Variants in CYP7B1 observed in about 807,000 individuals in gnomAD.
CYP7B1 encodes the protein cytochrome P450 7B1.
Under a neutral mutation model 42.7 loss-of-function variants are expected in CYP7B1, and 29 were observed. That is an observed-to-expected ratio of 0.68 (90% confidence interval 0.51 to 0.93). The LOEUF (loss-of-function observed/expected upper bound fraction) is 0.93, where lower values mean the gene tolerates loss of function less well. Among genes scored for constraint, CYP7B1 ranks in the 40% least tolerant of loss-of-function variants. The pLI is 0.00. For synonymous variants in CYP7B1, 235 were observed against 218.2 expected, an observed-to-expected ratio of 1.08 and a Z score of -0.68; for missense variants, 655 against 600.5, an observed-to-expected ratio of 1.09 and a Z score of -0.95.
At chr8:64,690,273 C>T (rs528838941) in intron 1 of CYP7B1, among the ~76,000 whole-genome samples, 1 of 152,240 alleles carries the variant, frequency 6.6e-6, no homozygotes, top group South Asian at 2.1e-4. Context: ...CATGGTGATG[C>T]ATGCCTGTGG....
chr8:64,632,611 G>A (rs1805712713), intron 1 of CYP7B1, among the ~76,000 whole-genome samples: 1 of 151,890 alleles, frequency 6.6e-6, no homozygotes, highest in Admixed American at 6.6e-5. Flanking sequence ...AAAATCTTAA[G>A]GGATCAACCA....
At chr8:64,758,898 G>C (rs986455380) in intron 1 of CYP7B1, among the ~76,000 whole-genome samples, 2 of 152,128 alleles carry the variant, frequency 1.3e-5, no homozygotes, top group African/African-American at 4.8e-5. Context: ...GCTAAAAAAG[G>C]CCAAATCCTT....
chr8:64,739,887 A>ATT (rs1807543728), intron 1 of CYP7B1, among the ~76,000 whole-genome samples: 2 of 152,188 alleles, frequency 1.3e-5, no homozygotes, highest in Non-Finnish European at 2.9e-5. Flanking sequence ...AAGTGTTGAA[A>ATT]GGAAAAAAAT....
intron 1 of CYP7B1, among the ~76,000 whole-genome samples, chr8:64,711,408 G>C (rs192359726): frequency 6.6e-6 from 1 of 152,166 alleles, no homozygotes; most frequent in Non-Finnish European, 1.5e-5. Context: ...GCCCACCACC[G>C]CTGCTTCCTG....
chr8:64,682,091 T>C (rs1044045635), intron 1 of CYP7B1, among the ~76,000 whole-genome samples: 1 of 152,134 alleles, frequency 6.6e-6, no homozygotes, highest in Non-Finnish European at 1.5e-5. Context: ...AGTTTAAAGA[T>C]GGGCAACCGT....
At chr8:64,784,705 A>C (rs1035892402) in intron 1 of CYP7B1, among the ~76,000 whole-genome samples, 1 of 152,210 alleles carries the variant, frequency 6.6e-6, no homozygotes, top group African/African-American at 2.4e-5. Context: ...CATCAGAATA[A>C]TGTGCAAATA....
chr8:64,719,667 A>C (rs892893263), intron 1 of CYP7B1, among the ~76,000 whole-genome samples: 1 of 152,216 alleles, frequency 6.6e-6, no homozygotes. Context: ...ACACTTCATC[A>C]ACCTCTAACA....
chr8:64,631,736 C>A (rs1328980776), intron 1 of CYP7B1, among the ~76,000 whole-genome samples: 3 of 152,084 alleles, frequency 2.0e-5, no homozygotes, highest in Non-Finnish European at 4.4e-5. Flanking sequence ...ATCCTAATAA[C>A]CCAATTAAAA....
intron 1 of CYP7B1, among the ~76,000 whole-genome samples, chr8:64,777,798 T>C (rs901255483): frequency 6.6e-6 from 1 of 151,794 alleles, no homozygotes; most frequent in Non-Finnish European, 1.5e-5. Context: ...ATGGTAACTC[T>C]AGAGATTAAA....
chr8:64,710,081 C>T lies in CYP7B1; in HGVS notation c.123-85542G>A, dbSNP rs551689966. Among the ~76,000 whole-genome samples the T allele has an allele frequency of 3.3e-5, 5 of 152,234 alleles. No individual in the cohort carries two copies. The South Asian group carries it at 1.0e-3, about 32-fold the overall frequency. On this transcript the variant is annotated intron_variant, in intron 1 of 5. Transcript: ENST00000310193. ...TTGTTCAAGCAGTAGAGAGTCACAG[C>T]AGATTCAGGCTCGCTGATTCCATTA...
chr8:64,718,147 G>T (rs1807185627), intron 1 of CYP7B1, among the ~76,000 whole-genome samples: 3 of 151,886 alleles, frequency 2.0e-5, no homozygotes, highest in Non-Finnish European at 4.4e-5. Flanking sequence ...TCTAAATAAA[G>T]TATAAATCAC....
chr8:64,736,574 C>G (rs952563772), intron 1 of CYP7B1, among the ~76,000 whole-genome samples: 1 of 152,114 alleles, frequency 6.6e-6, no homozygotes, highest in South Asian at 2.1e-4. Context: ...CCTTAGCCTC[C>G]CAAGTAGCTG....
chr8:64,695,822 G>C (rs940609641), intron 1 of CYP7B1, among the ~76,000 whole-genome samples: 5 of 150,176 alleles, frequency 3.3e-5, no homozygotes, highest in Non-Finnish European at 7.4e-5. Context: ...TTCTCAGGTT[G>C]GTTAACAAAA....
rs1165443304 is a variant in CYP7B1 at position 64,615,868 on chromosome 8, A to G, written c.673T>C (p.Tyr225His). The change falls in exon 3 of 6, where the codon TAT becomes CAT. Residue 225 changes from tyrosine (Y) to histidine (H), a missense_variant. Coordinates refer to ENST00000310193, the MANE Select transcript of CYP7B1 (RefSeq NM_004820.5). ...DFLKFDDKFA[Y>H]LVSNIPIELL... ...TCAATGGGTATGTTGGATACTAAAT[A>G]TGCAAACTTGTCATCAAATTTTAAA... The G allele has an allele frequency of 3.7e-6, 6 of 1,613,656 alleles. No individual in the cohort carries two copies. In the South Asian group the frequency reaches 5.5e-5, roughly 15 times the overall value.
rs540578806 is a variant in CYP7B1 at position 64,665,559 on chromosome 8, G to GTTTTTTTTTTTTT, written c.123-41033_123-41021dup. Among the ~76,000 whole-genome samples the GTTTTTTTTTTTTT allele has an allele frequency of 2.5e-4, 13 of 52,042 alleles. 1 individual carries two copies. Among genetic ancestry groups the GTTTTTTTTTTTTT allele is most frequent in the Admixed American group, 7.1e-4 (2 of 2,824 alleles). The allele number at this position is 52,042 out of a possible 152,430, so 34.1% of individuals were successfully genotyped here. ...ATTTTAAGTGTTTTTTTTTTTGGTG[G>GTTTTTTTTTTTTT]TTTTTTTTTTTTTTTTTTTTTTTTT... On this transcript the variant is annotated intron_variant, in intron 1 of 5. Transcript: ENST00000310193.
At chr8:64,763,937 C>G (rs1292984390) in intron 1 of CYP7B1, among the ~76,000 whole-genome samples, 4 of 152,204 alleles carry the variant, frequency 2.6e-5, no homozygotes, top group Non-Finnish European at 4.4e-5. Context: ...CCTCCGATCC[C>G]TGCCTCCTAG....
chr8:64,627,836 T>C (rs916947309), intron 1 of CYP7B1, among the ~76,000 whole-genome samples: 3 of 152,208 alleles, frequency 2.0e-5, no homozygotes, highest in Non-Finnish European at 2.9e-5. Context: ...TTATGACCCA[T>C]TGAAGATAGA....
chr8:64,760,909 T>C (rs948607392), intron 1 of CYP7B1, among the ~76,000 whole-genome samples: 6 of 152,164 alleles, frequency 3.9e-5, no homozygotes, highest in African/African-American at 1.4e-4. Flanking sequence ...CCAGTGTTCA[T>C]TGTAGCATTA....
intron 1 of CYP7B1, among the ~76,000 whole-genome samples, chr8:64,678,287 T>A (rs1806481986): frequency 6.6e-6 from 1 of 152,060 alleles, no homozygotes; most frequent in African/African-American, 2.4e-5. Flanking sequence ...GCATACAAGG[T>A]TGAGAGTCTA....
Sources: allele counts gnomAD v4.1 joint callset (sites outside exome capture counted in the v4.1 genomes callset), GRCh38; gene constraint gnomAD v4.1.1; transcripts MANE v1.5; gene names NCBI Gene and HGNC (gene_info 2026-07-23, HGNC 2026-07-21).